Variants in GADL1 observed in about 807,000 individuals in gnomAD.
GADL1 encodes the protein GAD like acidic amino acid decarboxylase 1, also known as acidic amino acid decarboxylase GADL1.
A neutral mutation model predicts 69.5 loss-of-function variants in GADL1; 71 were observed. The observed-to-expected ratio is 1.02, with a 90% CI of 0.84 to 1.25. GADL1 has a LOEUF of 1.25. Among genes scored for constraint, GADL1 ranks in the 50% most tolerant of loss-of-function variants. The pLI is 0.00. For synonymous variants in GADL1, 254 were observed against 214.4 expected (o/e 1.18, Z -1.62); for missense variants, 737 against 631.8 (o/e 1.17, Z -1.79).
chr3:30,779,988 G>A (rs954515278), intron 13 of GADL1, among the ~76,000 whole-genome samples: 2 of 152,142 alleles, frequency 1.3e-5, no homozygotes, highest in African/African-American at 4.8e-5. Context: ...CTGGTGACCA[G>A]AAACATAAGT....
intron 14 of GADL1, among the ~76,000 whole-genome samples, chr3:30,738,630 G>A (rs1221712174): frequency 1.3e-5 from 2 of 152,198 alleles, no homozygotes; most frequent in Non-Finnish European, 2.9e-5. Flanking sequence ...TCTGAGAGGA[G>A]AGAATGAGTA....
intron 13 of GADL1, among the ~76,000 whole-genome samples, chr3:30,783,331 C>T (rs1186443757): frequency 6.6e-6 from 1 of 152,110 alleles, no homozygotes; most frequent in Admixed American, 6.5e-5. Flanking sequence ...AGATCCAACA[C>T]AGAAAAATAG....
At chr3:30,872,136 C>A (rs1372059635) in intron 1 of GADL1, among the ~76,000 whole-genome samples, 1 of 151,944 alleles carries the variant, frequency 6.6e-6, no homozygotes, top group Non-Finnish European at 1.5e-5. Flanking sequence ...ATAATGGGTA[C>A]AAATTCAGCT....
At chr3:30,833,718 C>T (rs1261694908) in intron 11 of GADL1, 135 bp downstream of exon 11, 3 of 643,206 alleles carry the variant, frequency 4.7e-6, no homozygotes, top group South Asian at 1.9e-5. Context: ...CATGTAGAGA[C>T]CATCAACACA....
intron 1 of GADL1, among the ~76,000 whole-genome samples, chr3:30,874,991 T>A (rs1698557716): frequency 6.6e-6 from 1 of 151,898 alleles, no homozygotes; most frequent in East Asian, 1.9e-4. Flanking sequence ...GGCTCAGAGC[T>A]CAGCTCAGCC....
chr3:30,757,625 A>AC (rs763710021), intron 14 of GADL1, among the ~76,000 whole-genome samples: 16 of 151,934 alleles, frequency 1.1e-4, no homozygotes, highest in African/African-American at 1.7e-4. Flanking sequence ...AGGGCACATA[A>AC]CCCCCCCACA....
chr3:30,785,500 G>C (rs1031164062), intron 13 of GADL1, among the ~76,000 whole-genome samples: 2 of 151,000 alleles, frequency 1.3e-5, no homozygotes, highest in Non-Finnish European at 2.9e-5. Flanking sequence ...TCCTGCCTCA[G>C]CCTCCCGAGT....
chr3:30,844,433 G>A lies in GADL1; in HGVS notation c.685C>T (p.Leu229Phe), dbSNP rs535064765. Reference sequence around the variant, plus strand: ...CAAACATTCTCAGTGCCAATCCCAAGAAAAGAGGCTGCCTTCTTCATAGAG... The same window carrying A: ...CAAACATTCTCAGTGCCAATCCCAAAAAAAGAGGCTGCCTTCTTCATAGAG... ...HYSMKKAASF[L>F]GIGTENVCFV... The change falls in exon 7 of 15, where the codon CTT (leucine) becomes TTT (phenylalanine). Residue 229 changes from leucine (L) to phenylalanine (F), a missense_variant. Leu to Phe is a conservative substitution (Grantham distance 22). Transcript: ENST00000282538. The A allele has an allele frequency of 6.2e-7, 1 of 1,613,240 alleles. No homozygotes were observed. The highest frequency in any genetic ancestry group is 2.2e-5 in the East Asian group (1 of 44,858).
At chr3:30,781,501 A>G (rs914484349) in intron 13 of GADL1, among the ~76,000 whole-genome samples, 3 of 152,360 alleles carry the variant, frequency 2.0e-5, no homozygotes, top group African/African-American at 7.2e-5. Context: ...TCAAACAATC[A>G]TGCAAATATA....
At chr3:30,839,990 G>A (rs150974856) in intron 8 of GADL1, among the ~76,000 whole-genome samples, 171 of 152,140 alleles carry the variant, frequency 1.1e-3, no homozygotes, top group South Asian at 7.5e-3. Context: ...TGTGTTGCTC[G>A]CTGTGTAGGT....
chr3:30,836,557 T>C (rs1039223974), intron 9 of GADL1, among the ~76,000 whole-genome samples: 1 of 152,138 alleles, frequency 6.6e-6, no homozygotes, highest in Non-Finnish European at 1.5e-5. Flanking sequence ...TATTACTATA[T>C]GTGAGGCACC....
chr3:30,808,474 G>A (rs768042511), intron 11 of GADL1, among the ~76,000 whole-genome samples: 38 of 148,286 alleles, frequency 2.6e-4, no homozygotes, highest in Non-Finnish European at 4.1e-4. Context: ...CGCTGGCCTG[G>A]GCGACAGAGC....
intron 4 of GADL1, 70 bp from the exon 5 acceptor site, chr3:30,851,011 T>C: frequency 1.1e-6 from 1 of 903,548 alleles, no homozygotes. Flanking sequence ...TCCCAAGAAA[T>C]GCACAGAGTT....
At chr3:30,862,331 G>A (rs4955343) in intron 1 of GADL1, among the ~76,000 whole-genome samples, 31,311 of 151,896 alleles carry the variant, frequency 0.21, 3,753 homozygotes, top group East Asian at 0.51. Context: ...AGGATGAGGA[G>A]AAAGCCCTTC....
chr3:30,750,387 C>A (rs972755976), intron 14 of GADL1, among the ~76,000 whole-genome samples: 2 of 152,186 alleles, frequency 1.3e-5, no homozygotes, highest in Admixed American at 1.3e-4. Flanking sequence ...AAAGCTGTAA[C>A]AGCACACGGA....
chr3:30,773,632 A>G (rs1362735121), intron 14 of GADL1, among the ~76,000 whole-genome samples: 3 of 152,138 alleles, frequency 2.0e-5, no homozygotes, highest in Non-Finnish European at 2.9e-5. Context: ...TTGAAACACA[A>G]TCTTGTCTGG....
chr3:30,774,254 A>AT (rs1296159127), intron 14 of GADL1, among the ~76,000 whole-genome samples: 4 of 152,112 alleles, frequency 2.6e-5, no homozygotes, highest in African/African-American at 9.7e-5. Flanking sequence ...CTTGAGTGAC[A>AT]TTGAACTGTG....
chr3:30,874,096 G>T (rs1053166924), intron 1 of GADL1, among the ~76,000 whole-genome samples: 6 of 151,940 alleles, frequency 3.9e-5, no homozygotes, highest in African/African-American at 1.2e-4. Context: ...GCTGAGTAGG[G>T]TTTGCAAATC....
intron 14 of GADL1, among the ~76,000 whole-genome samples, chr3:30,762,097 T>G (rs1696150465): frequency 6.6e-6 from 1 of 151,870 alleles, no homozygotes; most frequent in Non-Finnish European, 1.5e-5. Flanking sequence ...ACTGCCCTGC[T>G]TAGGAACCCA....
Sources: gnomAD v4.1 joint callset for allele counts (sites outside exome capture counted in the v4.1 genomes callset) on GRCh38, gnomAD v4.1.1 for gene constraint, MANE v1.5 for transcripts, NCBI Gene and HGNC (gene_info 2026-07-23, HGNC 2026-07-21) for gene names.